HIC1: variants seen among roughly 807,000 people sequenced by gnomAD.
The protein encoded by HIC1 is hypermethylated in cancer 1 protein.
HIC1 carries 9 observed loss-of-function variants against 26.4 expected under a neutral mutation model. The ratio of observed to expected loss-of-function variants is 0.34; its 90% CI spans 0.21 to 0.59. The LOEUF is 0.59. HIC1 is among the 20% of genes least tolerant of loss of function. The pLI is 0.82. For synonymous variants in HIC1, 631 were observed against 523.1 expected, an observed-to-expected ratio of 1.21 and a Z score of -2.81; for missense variants, 965 against 1,075.7, an observed-to-expected ratio of 0.90 and a Z score of 1.44.
rs1339054244 is a variant in HIC1, at chr17:2,058,980, C to G, written c.*145C>G. The G allele has an allele frequency of 1.5e-4, 102 of 696,134 alleles. No individual in the cohort carries two copies. The highest frequency in any genetic ancestry group is 2.1e-4 in the Non-Finnish European group (96 of 455,178). 43.1% of individuals were successfully genotyped at this position (696,134 alleles called of 1,614,324 possible). ...GCGGCTCCACCTCTCGGCGGCCTCACCTGGCCTCACTGCTTCGTGCCTTAG... is the reference window on the plus strand; with the variant it reads ...GCGGCTCCACCTCTCGGCGGCCTCAGCTGGCCTCACTGCTTCGTGCCTTAG... On this transcript the variant is annotated 3_prime_UTR_variant, in exon 2 of 2. Transcript: ENST00000619757.
rs1301441815 is a variant in HIC1 at position 2,059,977 on chromosome 17, C to A, written c.*1142C>A. Reference sequence around the variant, plus strand: ...GGGGAGAGAATCTTAAAGGAGAGGCCGGGGACCCTGTACTCCAAAGAGCCC... The same window carrying A: ...GGGGAGAGAATCTTAAAGGAGAGGCAGGGGACCCTGTACTCCAAAGAGCCC... On this transcript the variant is annotated 3_prime_UTR_variant, in exon 2 of 2. Transcript: ENST00000619757. 6.6e-6 allele frequency: 1 copy of A among 152,274 alleles called. No individual in the cohort carries two copies. The highest frequency in any genetic ancestry group is 2.4e-5 in the African/African-American group (1 of 41,436). 9.4% of individuals were successfully genotyped at this position (152,274 alleles called of 1,614,324 possible). A position where few individuals can be genotyped will look rare whatever the true frequency, so the allele number is the denominator to read the frequency against.
rs201428525 is a variant in HIC1 at position 2,056,783 on chromosome 17, C to T, written c.93C>T (p.Ile31=). ...CCAAGGGCTTCTTGTGCGACGTGATCATCGTGGTGCAGAACGCCCTCTTCC... is the reference window on the plus strand; with the variant it reads ...CCAAGGGCTTCTTGTGCGACGTGATTATCGTGGTGCAGAACGCCCTCTTCC... ...QRTKGFLCDV[I]IVVQNALFRA... Residue 31 remains isoleucine, a synonymous_variant, in exon 2 of 2, where the codon ATC becomes ATT. Transcript: ENST00000619757. 1.2e-6 allele frequency: 2 copies of T among 1,612,582 alleles called. No individual in the cohort carries two copies. Among genetic ancestry groups the T allele is most frequent in the African/African-American group, 2.7e-5 (2 of 75,060 alleles).
At position 2,061,411 on chromosome 17, in the gene HIC1, T is replaced by A. The variant is rs1368300137; in HGVS notation, c.*2576T>A. On this transcript the variant is annotated 3_prime_UTR_variant, in exon 2 of 2. Coordinates refer to ENST00000619757, the MANE Select transcript of HIC1 (RefSeq NM_006497.4). Reference sequence around the variant, plus strand: ...TGGGTGGATTGGTGGCTCAGGCACGTGGGCATCTTCCGTGCTACACTGGGC... The same window carrying A: ...TGGGTGGATTGGTGGCTCAGGCACGAGGGCATCTTCCGTGCTACACTGGGC... The A allele has an allele frequency of 1.2e-5, 17 of 1,380,352 alleles. No individual in the cohort carries two copies. The highest frequency in any genetic ancestry group is 1.7e-5 in the Non-Finnish European group (17 of 1,020,676). The allele number at this position is 1,380,352 out of a possible 1,614,324, so 85.5% of individuals were successfully genotyped here.
Position 2,062,765 on chromosome 17 carries a change from G to C in HIC1, c.*3930G>C, listed in dbSNP as rs2067820610. 1 of 152,564 alleles carries C rather than the reference G, an allele frequency of 6.6e-6. No homozygotes were observed. The highest frequency in any genetic ancestry group is 6.5e-5 in the Admixed American group (1 of 15,304). 9.5% of individuals were successfully genotyped at this position (152,564 alleles called of 1,614,324 possible). A position where few individuals can be genotyped will look rare whatever the true frequency, so the allele number is the denominator to read the frequency against. ...CGTGGGCTGGCGGGGGTGGGGGGCT[G>C]CAAATATCCATGTCGGACCTGAGCA... On this transcript the variant is annotated 3_prime_UTR_variant, in exon 2 of 2. Coordinates refer to ENST00000619757, the MANE Select transcript of HIC1 (RefSeq NM_006497.4).
Position 2,061,588 on chromosome 17 carries a change from C to A in HIC1, c.*2753C>A. ...CACGCAGGTTCCGGTCATCCGTCAACAGCACCACCTCCCGCAGTAGCCGGA... is the reference window on the plus strand; with the variant it reads ...CACGCAGGTTCCGGTCATCCGTCAAAAGCACCACCTCCCGCAGTAGCCGGA... On this transcript the variant is annotated 3_prime_UTR_variant, in exon 2 of 2. Coordinates refer to ENST00000619757, the MANE Select transcript of HIC1 (RefSeq NM_006497.4). The A allele has an allele frequency of 1.9e-6, 3 of 1,572,910 alleles. No homozygotes were observed. Among genetic ancestry groups the A allele is most frequent in the Non-Finnish European group, 8.6e-7 (1 of 1,158,814 alleles).
Position 2,061,406 on chromosome 17 carries a change from G to T in HIC1, c.*2571G>T. On this transcript the variant is annotated 3_prime_UTR_variant, in exon 2 of 2. Coordinates refer to ENST00000619757, the MANE Select transcript of HIC1 (RefSeq NM_006497.4). ...TTGTCTGGGTGGATTGGTGGCTCAG[G>T]CACGTGGGCATCTTCCGTGCTACAC... The T allele has an allele frequency of 7.5e-7, 1 of 1,332,968 alleles. No homozygotes were observed. Among genetic ancestry groups the T allele is most frequent in the Non-Finnish European group, 1.0e-6 (1 of 978,096 alleles). The allele number at this position is 1,332,968 out of a possible 1,614,324, so 82.6% of individuals were successfully genotyped here.
Position 2,057,382 on chromosome 17 carries a change from C to A in HIC1, c.692C>A (p.Pro231Gln). 1 of 1,445,570 alleles carries A rather than the reference C, an allele frequency of 6.9e-7. No homozygotes were observed. Among genetic ancestry groups the A allele is most frequent in the Non-Finnish European group, 9.0e-7 (1 of 1,105,992 alleles). 89.5% of individuals were successfully genotyped at this position (1,445,570 alleles called of 1,614,324 possible). ...CGLDLSKKSP[P>Q]GSAAPERPLA... is the part of the protein sequence containing the mutation. ...CTGGACCTGTCCAAGAAGAGCCCGC[C>A]GGGCTCCGCGGCGCCAGAGCGGCCG... Residue 231 changes from proline (P) to glutamine (Q), a missense_variant, in exon 2 of 2, where the codon CCG becomes CAG. Pro to Gln is a moderately conservative substitution (Grantham distance 76). Around this residue, in one of 6 missense-constraint regions of HIC1, gnomAD observed 526 missense variants for 525.0 expected, o/e 1.00. Coordinates refer to ENST00000619757, the MANE Select transcript of HIC1 (RefSeq NM_006497.4).
At position 2,058,105 on chromosome 17, in the gene HIC1, A is replaced by C. The variant is rs751657140; in HGVS notation, c.1415A>C (p.Asp472Ala). The C allele has an allele frequency of 3.8e-6, 6 of 1,595,158 alleles. No individual in the cohort carries two copies. In the East Asian group the frequency reaches 9.1e-5, roughly 24 times the overall value. ...GGGCCCCCTTTTGGAGGCGGCGGGGACAAGGTCGCCGGGGCTCCGGGTGGC... is the reference window on the plus strand; with the variant it reads ...GGGCCCCCTTTTGGAGGCGGCGGGGCCAAGGTCGCCGGGGCTCCGGGTGGC... ...GLGPPFGGGG[D>A]KVAGAPGGLG... Residue 472 changes from aspartate (D) to alanine (A), a missense_variant, in exon 2 of 2, where the codon GAC becomes GCC. By Grantham distance (126) the Asp-to-Ala change is moderately radical (BLOSUM62 -2). Coordinates refer to ENST00000619757, the MANE Select transcript of HIC1 (RefSeq NM_006497.4).
In HIC1 at chr17:2,055,383, T is replaced by G. The variant is rs1597300397; in HGVS notation, c.-21+145T>G. ...GTTCAGGGCTCCGGGTGTCGTCCCT[T>G]TCGGACTCAGGACCACCGGGCCGCG... is the stretch of plus-strand genomic sequence containing the variant. On this transcript the variant is annotated intron_variant, in intron 1 of 1. Coordinates refer to ENST00000619757, the MANE Select transcript of HIC1 (RefSeq NM_006497.4). This position sits in a 1 kb window ranked among gnomAD's most constrained non-coding sequence, Gnocchi z 6.4. 1 of 151,450 alleles carries G rather than the reference T, an allele frequency of 6.6e-6. No individual in the cohort carries two copies. The highest frequency in any genetic ancestry group is 2.4e-5 in the African/African-American group (1 of 41,204). 9.4% of individuals were successfully genotyped at this position (151,450 alleles called of 1,614,324 possible). A position where few individuals can be genotyped will look rare whatever the true frequency, so the allele number is the denominator to read the frequency against.
Position 2,061,147 on chromosome 17 carries a change from A to G in HIC1, c.*2312A>G, listed in dbSNP as rs74853845. 4.7e-3 allele frequency: 1,052 copies of G among 223,768 alleles called. 6 individuals carry two copies. The highest frequency in any genetic ancestry group is 7.6e-3 in the Non-Finnish European group (830 of 109,584). 13.9% of individuals were successfully genotyped at this position (223,768 alleles called of 1,614,324 possible). ...CACTGGAGAAAGTGGCTGCGTCCCCAGGCGAGAAGGCCCTCCCTCAGCCTT... is the reference window on the plus strand; with the variant it reads ...CACTGGAGAAAGTGGCTGCGTCCCCGGGCGAGAAGGCCCTCCCTCAGCCTT... On this transcript the variant is annotated 3_prime_UTR_variant, in exon 2 of 2. Transcript: ENST00000619757.
rs1041005816 is a variant in HIC1 at position 2,060,399 on chromosome 17, T to A, written c.*1564T>A. 2 of 152,274 alleles carry A rather than the reference T, an allele frequency of 1.3e-5. No homozygotes were observed. Among genetic ancestry groups the A allele is most frequent in the African/African-American group, 4.8e-5 (2 of 41,450 alleles). 9.4% of individuals were successfully genotyped at this position (152,274 alleles called of 1,614,324 possible). A position where few individuals can be genotyped will look rare whatever the true frequency, so the allele number is the denominator to read the frequency against. On this transcript the variant is annotated 3_prime_UTR_variant, in exon 2 of 2. Transcript: ENST00000619757. ...AGGCGACGGTGCCCCAGCACTGGAA[T>A]GCCTCAGGCTGGGCTGTCCACGCCT... is the stretch of plus-strand genomic sequence containing the variant.
Position 2,061,018 on chromosome 17 carries a change from T to G in HIC1, c.*2183T>G, listed in dbSNP as rs1276440138. On this transcript the variant is annotated 3_prime_UTR_variant, in exon 2 of 2. Transcript: ENST00000619757. ...CACACCCTGGGCACTTCTTCCTGAC[T>G]TAACCAAAGCCTCTTGAACACATTC... 1.9e-5 allele frequency: 3 copies of G among 157,050 alleles called. No homozygotes were observed. The highest frequency in any genetic ancestry group is 7.2e-5 in the African/African-American group (3 of 41,604). The allele number at this position is 157,050 out of a possible 1,614,324, so 9.7% of individuals were successfully genotyped here. A position where few individuals can be genotyped will look rare whatever the true frequency, so the allele number is the denominator to read the frequency against.
rs1224873056 is a variant in HIC1, at chr17:2,058,784, C to T, written c.2094C>T (p.His698=). ...KAAEVLSQGA[H]LAAGPDGRTI... is the part of the protein sequence containing the mutation. ...CCGAGGTGCTGAGCCAGGGCGCTCA[C>T]CTGGCGGCCGGGCCCGACGGCCGGA... Residue 698 remains histidine (H), a synonymous_variant, in exon 2 of 2, where the codon CAC becomes CAT. Transcript: ENST00000619757. 1.4e-5 allele frequency: 21 copies of T among 1,510,748 alleles called. No individual in the cohort carries two copies. Among genetic ancestry groups the T allele is most frequent in the Non-Finnish European group, 1.8e-5 (21 of 1,135,924 alleles). 93.6% of individuals were successfully genotyped at this position (1,510,748 alleles called of 1,614,324 possible). A position where few individuals can be genotyped will look rare whatever the true frequency, so the allele number is the denominator to read the frequency against.
At position 2,060,409 on chromosome 17, in the gene HIC1, T is replaced by G. The variant is rs1381164419; in HGVS notation, c.*1574T>G. On this transcript the variant is annotated 3_prime_UTR_variant, in exon 2 of 2. Transcript: ENST00000619757. ...GCCCCAGCACTGGAATGCCTCAGGC[T>G]GGGCTGTCCACGCCTGGAAGTTTCT... The G allele has an allele frequency of 6.6e-6, 1 of 152,300 alleles. No homozygotes were observed. The highest frequency in any genetic ancestry group is 1.5e-5 in the Non-Finnish European group (1 of 68,100). 9.4% of individuals were successfully genotyped at this position (152,300 alleles called of 1,614,324 possible). A position where few individuals can be genotyped will look rare whatever the true frequency, so the allele number is the denominator to read the frequency against.
In HIC1 at chr17:2,057,740, G is replaced by T. The variant is rs746893953; in HGVS notation, c.1050G>T (p.Gly350=). Reference sequence around the variant, plus strand: ...GGGACGCGGCCGTCTCGCCCGGGGGGCCCCCGCTCGGCCTGGCGCCGCCGC... The same window carrying T: ...GGGACGCGGCCGTCTCGCCCGGGGGTCCCCCGCTCGGCCTGGCGCCGCCGC... ...RGGDAAVSPG[G]PPLGLAPPPR... The change falls in exon 2 of 2, where the codon GGG becomes GGT. Residue 350 remains glycine, a synonymous_variant. Coordinates refer to ENST00000619757, the MANE Select transcript of HIC1 (RefSeq NM_006497.4). 7 of 1,388,240 alleles carry T rather than the reference G, an allele frequency of 5.0e-6. No homozygotes were observed. The South Asian group carries it at 6.5e-5, about 13-fold the overall frequency. 86.0% of individuals were successfully genotyped at this position (1,388,240 alleles called of 1,614,324 possible). A position where few individuals can be genotyped will look rare whatever the true frequency, so the allele number is the denominator to read the frequency against.
rs937876034 is a variant in HIC1, at chr17:2,056,245, C to A, written c.-20-426C>A. ...TTCCCCCAACTGGGGCAACTTCTCCCGAGGCGGGAGGCGCTGGTTCCTCGG... is the reference window on the plus strand; with the variant it reads ...TTCCCCCAACTGGGGCAACTTCTCCAGAGGCGGGAGGCGCTGGTTCCTCGG... On this transcript the variant is annotated intron_variant, in intron 1 of 1. Transcript: ENST00000619757. The A allele has an allele frequency of 6.4e-6, 9 of 1,416,530 alleles. 1 individual carries two copies. The Admixed American group carries it at 8.4e-5, about 13-fold the overall frequency. 87.7% of individuals were successfully genotyped at this position (1,416,530 alleles called of 1,614,324 possible).
Position 2,059,161 on chromosome 17 carries a change from G to T in HIC1, c.*326G>T, listed in dbSNP as rs566127095. The T allele has an allele frequency of 4.5e-3, 1,293 of 288,590 alleles. 4 individuals are homozygous for T. The highest frequency in any genetic ancestry group is 6.9e-3 in the Non-Finnish European group (1,023 of 147,222). 17.9% of individuals were successfully genotyped at this position (288,590 alleles called of 1,614,324 possible). A position where few individuals can be genotyped will look rare whatever the true frequency, so the allele number is the denominator to read the frequency against. ...CCCCCGGCTCCGCGCTGCTCTTAGA[G>T]GGGGAGGGGTGTCACTGTCGGGGCA... is the stretch of plus-strand genomic sequence containing the variant. On this transcript the variant is annotated 3_prime_UTR_variant, in exon 2 of 2. Transcript: ENST00000619757.
Position 2,060,931 on chromosome 17 carries a change from A to G in HIC1, c.*2096A>G, listed in dbSNP as rs2067755377. On this transcript the variant is annotated 3_prime_UTR_variant, in exon 2 of 2. Transcript: ENST00000619757. ...GGGGCCCAGGGCTGCTGTTAGGGACATGCTGTCTAGAAGCCGACTTGGGTT... is the reference window on the plus strand; with the variant it reads ...GGGGCCCAGGGCTGCTGTTAGGGACGTGCTGTCTAGAAGCCGACTTGGGTT... 6.5e-6 allele frequency: 1 copy of G among 153,732 alleles called. No homozygotes were observed. The highest frequency in any genetic ancestry group is 1.4e-5 in the Non-Finnish European group (1 of 69,136). 9.5% of individuals were successfully genotyped at this position (153,732 alleles called of 1,614,324 possible).
In HIC1 at chr17:2,060,667, G is replaced by A. The variant is rs12946564; in HGVS notation, c.*1832G>A. The A allele has an allele frequency of 0.77, 117,368 of 152,184 alleles. 45,474 individuals are homozygous for A. Among genetic ancestry groups the A allele is most frequent in the East Asian group, 0.94 (4,845 of 5,174 alleles). 9.4% of individuals were successfully genotyped at this position (152,184 alleles called of 1,614,324 possible). A position where few individuals can be genotyped will look rare whatever the true frequency, so the allele number is the denominator to read the frequency against. On this transcript the variant is annotated 3_prime_UTR_variant, in exon 2 of 2. Coordinates refer to ENST00000619757, the MANE Select transcript of HIC1 (RefSeq NM_006497.4). ...AGGAGGGGTGAAGGGGGAGCTGAGG[G>A]GAGTCAGGACATTTCCTGAAGAGGA... is the stretch of plus-strand genomic sequence containing the variant.
Sources: allele counts gnomAD v4.1 joint callset, GRCh38; gene constraint gnomAD v4.1.1; regional missense constraint gnomAD v4.1.1; non-coding constraint Gnocchi (gnomAD v3.1); transcripts MANE v1.5; gene names NCBI Gene and HGNC (gene_info 2026-07-23, HGNC 2026-07-21).